The following GRIK2 variants were observed in gnomAD, a reference collection of about 807,000 sequenced individuals.
GRIK2 encodes the protein glutamate receptor ionotropic, kainate 2.
GRIK2 carries 32 observed loss-of-function variants against 100.3 expected under a neutral mutation model. The ratio of observed to expected loss-of-function variants is 0.32; its 90% confidence interval spans 0.24 to 0.43. The LOEUF is 0.43. Among genes scored for constraint, GRIK2 ranks in the 20% least tolerant of loss-of-function variants. The probability of loss-of-function intolerance (pLI) is 1.00; values close to 1 mark genes in which losing one functional copy is unlikely to be tolerated. For missense variants in GRIK2, 843 were observed against 1,114.9 expected (o/e 0.76, Z 3.47); for synonymous variants, 417 against 389.4 (o/e 1.07, Z -0.83).
At chr6:101,563,151 G>A (rs1022505841) in intron 2 of GRIK2, among the ~76,000 whole-genome samples, 4 of 152,142 alleles carry the variant, frequency 2.6e-5, no homozygotes, top group African/African-American at 9.7e-5. Context: ...TGCGACACAT[G>A]TTTTTAAGCA....
At chr6:102,062,685 T>C (rs1185137931) in intron 16 of GRIK2, among the ~76,000 whole-genome samples, 1 of 150,564 alleles carries the variant, frequency 6.6e-6, no homozygotes, top group Non-Finnish European at 1.5e-5. Context: ...CATCTTTCAT[T>C]GCTTCACTGT....
At chr6:101,396,344 G>A (rs965547473) in intron 1 of GRIK2, among the ~76,000 whole-genome samples, 2 of 151,692 alleles carry the variant, frequency 1.3e-5, no homozygotes, top group African/African-American at 4.8e-5. Context: ...AATTGAAAGT[G>A]ATAACTAATT....
chr6:102,024,368 C>A (rs1409822523), intron 14 of GRIK2, among the ~76,000 whole-genome samples: 1 of 151,126 alleles, frequency 6.6e-6, no homozygotes, highest in African/African-American at 2.4e-5. Context: ...GCAAGTACCA[C>A]AAGTAAAAAT....
At chr6:101,409,896 T>C (rs1294298732) in intron 2 of GRIK2, among the ~76,000 whole-genome samples, 2 of 152,094 alleles carry the variant, frequency 1.3e-5, no homozygotes, top group East Asian at 1.9e-4. Context: ...TGTGTATATT[T>C]AAGAAAATCA....
At chr6:101,591,726 GCAAA>G (rs1778650848) in intron 2 of GRIK2, among the ~76,000 whole-genome samples, 1 of 151,952 alleles carries the variant, frequency 6.6e-6, no homozygotes, top group African/African-American at 2.4e-5. Flanking sequence ...TGACTATAAA[GCAAA>G]CAGAATAACA....
At chr6:101,658,781 G>T (rs1769386935) in intron 4 of GRIK2, among the ~76,000 whole-genome samples, 1 of 152,268 alleles carries the variant, frequency 6.6e-6, no homozygotes, top group African/African-American at 2.4e-5. Flanking sequence ...GAACAGTGAT[G>T]ATGAGCTTTT....
chr6:101,643,652 AG>A (rs2128325449), intron 4 of GRIK2, among the ~76,000 whole-genome samples: 1 of 151,836 alleles, frequency 6.6e-6, no homozygotes, highest in Non-Finnish European at 1.5e-5. Flanking sequence ...GTTTGAAATC[AG>A]GAACTATGAG....
At chr6:101,939,594 A>C (rs1790828541) in intron 14 of GRIK2, among the ~76,000 whole-genome samples, 1 of 152,148 alleles carries the variant, frequency 6.6e-6, no homozygotes, top group African/African-American at 2.4e-5. Flanking sequence ...TCTCACTGAA[A>C]AGATAAAGTA....
intron 15 of GRIK2, among the ~76,000 whole-genome samples, chr6:102,046,801 A>G (rs1770912068): frequency 6.6e-6 from 1 of 152,172 alleles, no homozygotes; most frequent in Admixed American, 6.6e-5. Context: ...AAGACAGGGC[A>G]TAGTTTAGGC....
chr6:101,764,780 C>G (rs975396350), intron 7 of GRIK2, among the ~76,000 whole-genome samples: 6 of 152,114 alleles, frequency 3.9e-5, no homozygotes, highest in African/African-American at 1.4e-4. Context: ...ATTCTCCCCA[C>G]TCAGGAAGTG....
intron 11 of GRIK2, among the ~76,000 whole-genome samples, chr6:101,876,607 C>A (rs1785867290): frequency 6.6e-6 from 1 of 151,686 alleles, no homozygotes; most frequent in Admixed American, 6.6e-5. Context: ...TAGCAAAGTT[C>A]AAAGAGAGCT....
At chr6:101,565,921 A>T (rs1269624613) in intron 2 of GRIK2, among the ~76,000 whole-genome samples, 3 of 108,128 alleles carry the variant, frequency 2.8e-5, no homozygotes, top group African/African-American at 1.1e-4. Context: ...TATTTTATAT[A>T]TATATATATA....
At chr6:101,808,181 T>C (rs1227215750) in intron 9 of GRIK2, among the ~76,000 whole-genome samples, 1 of 151,864 alleles carries the variant, frequency 6.6e-6, no homozygotes, top group African/African-American at 2.4e-5. Context: ...CAGGAAGATC[T>C]TAGACTGTAA....
intron 2 of GRIK2, among the ~76,000 whole-genome samples, chr6:101,577,159 A>C: frequency 7.0e-6 from 1 of 142,404 alleles, no homozygotes; most frequent in East Asian, 2.0e-4. Flanking sequence ...TTGCATATGG[A>C]TACAAAAAAA....
intron 15 of GRIK2, among the ~76,000 whole-genome samples, chr6:102,044,914 T>C (rs934142477): frequency 2.0e-5 from 3 of 152,100 alleles, no homozygotes; most frequent in Non-Finnish European, 2.9e-5. Flanking sequence ...CAGAAATATA[T>C]ATGATCTCTC....
At chr6:101,422,394 G>T (rs1776452003) in intron 2 of GRIK2, among the ~76,000 whole-genome samples, 1 of 152,008 alleles carries the variant, frequency 6.6e-6, no homozygotes, top group Non-Finnish European at 1.5e-5. Context: ...CCCAGAGTAG[G>T]CTCAAGTATT....
chr6:101,614,473 C>G (rs1157029003), intron 2 of GRIK2, among the ~76,000 whole-genome samples: 2 of 151,324 alleles, frequency 1.3e-5, no homozygotes, highest in African/African-American at 4.8e-5. Context: ...CTTATATAAC[C>G]ACTATATCAT....
intron 2 of GRIK2, among the ~76,000 whole-genome samples, chr6:101,527,335 A>G (rs2128283472): frequency 6.6e-6 from 1 of 152,336 alleles, no homozygotes; most frequent in Non-Finnish European, 1.5e-5. Context: ...TTTTCAGATT[A>G]GAGGCCCATA....
chr6:101,862,428 CTTATAT>C (rs1784783211), intron 11 of GRIK2, among the ~76,000 whole-genome samples: 1 of 151,888 alleles, frequency 6.6e-6, no homozygotes, highest in African/African-American at 2.4e-5. Flanking sequence ...TTTTATTCTC[CTTATAT>C]TTATATATTT....
Sources: gnomAD v4.1 joint callset for allele counts (sites outside exome capture counted in the v4.1 genomes callset) on GRCh38, gnomAD v4.1.1 for gene constraint, MANE v1.5 for transcripts, NCBI Gene and HGNC (gene_info 2026-07-23, HGNC 2026-07-21) for gene names.